AK5: variants seen among roughly 807,000 people sequenced by gnomAD.
AK5 encodes the protein adenylate kinase 5.
In AK5, 27 loss-of-function variants were observed where a neutral mutation model predicts 69.5. The ratio of observed to expected loss-of-function variants is 0.39; its 90% CI spans 0.29 to 0.54. The LOEUF (loss-of-function observed/expected upper bound fraction) is 0.54, where lower values mean the gene tolerates loss of function less well. Ranked by LOEUF, AK5 falls within the 20% of genes least tolerant of loss-of-function variation. The pLI is 0.71. For missense variants in AK5, 531 were observed against 700.4 expected (o/e 0.76, Z 2.73); for synonymous variants, 260 against 244.4 (o/e 1.06, Z -0.60).
At chr1:77,554,922 GT>G (rs937917253) in intron 13 of AK5, among the ~76,000 whole-genome samples, 2 of 151,974 alleles carry the variant, frequency 1.3e-5, no homozygotes, top group Non-Finnish European at 2.9e-5. Context: ...AGCCTCTGCG[GT>G]TATTTTTGAT....
chr1:77,390,952 C>T (rs768800417), intron 6 of AK5, among the ~76,000 whole-genome samples: 1 of 152,086 alleles, frequency 6.6e-6, no homozygotes, highest in Non-Finnish European at 1.5e-5. Context: ...TTTGGTTAGC[C>T]ATTATTTATT....
At chr1:77,285,936 T>C (rs1255206441) in intron 1 of AK5, among the ~76,000 whole-genome samples, 1 of 152,098 alleles carries the variant, frequency 6.6e-6, no homozygotes, top group Non-Finnish European at 1.5e-5. Context: ...GAAAAATGAA[T>C]TAGACTCACT....
intron 9 of AK5, among the ~76,000 whole-genome samples, chr1:77,485,312 C>A (rs1487491124): frequency 6.6e-6 from 1 of 152,198 alleles, no homozygotes; most frequent in African/African-American, 2.4e-5. Flanking sequence ...GTCCCCAACC[C>A]AATTCATCAT....
At chr1:77,332,031 C>CA (rs1453919538) in intron 5 of AK5, among the ~76,000 whole-genome samples, 1 of 152,112 alleles carries the variant, frequency 6.6e-6, no homozygotes, top group African/African-American at 2.4e-5. Context: ...TTGACTTCCC[C>CA]AGGCTCAGGG....
At chr1:77,495,359 T>C (rs535937589) in intron 10 of AK5, among the ~76,000 whole-genome samples, 2 of 152,316 alleles carry the variant, frequency 1.3e-5, no homozygotes, top group Admixed American at 6.5e-5. Context: ...ATTATTTGAA[T>C]AAGTACTGCA....
At chr1:77,361,596 C>A (rs1252270204) in intron 6 of AK5, among the ~76,000 whole-genome samples, 3 of 152,126 alleles carry the variant, frequency 2.0e-5, no homozygotes, top group Admixed American at 2.0e-4. Context: ...TTTCATGCTG[C>A]TGTTAAAGAC....
chr1:77,494,566 G>A (rs954366521), intron 10 of AK5, among the ~76,000 whole-genome samples: 7 of 152,066 alleles, frequency 4.6e-5, no homozygotes, highest in Admixed American at 6.6e-5. Flanking sequence ...AAATTTGAGC[G>A]ACTAACAAGT....
intron 6 of AK5, among the ~76,000 whole-genome samples, chr1:77,350,663 G>A (rs1662144917): frequency 1.3e-5 from 2 of 152,168 alleles, no homozygotes; most frequent in South Asian, 4.1e-4. Flanking sequence ...AAACATGGGA[G>A]TAATTGGAAA....
intron 6 of AK5, among the ~76,000 whole-genome samples, chr1:77,385,585 A>C (rs1197350142): frequency 6.6e-6 from 1 of 152,216 alleles, no homozygotes; most frequent in Non-Finnish European, 1.5e-5. Flanking sequence ...ACTGTTCATA[A>C]ATATGTGTGG....
chr1:77,405,760 T>G (rs1435792735), intron 6 of AK5, among the ~76,000 whole-genome samples: 1 of 152,016 alleles, frequency 6.6e-6, no homozygotes, highest in Non-Finnish European at 1.5e-5. Flanking sequence ...GCAGCTGAAG[T>G]CCCCTCACTC....
chr1:77,534,533 C>T (rs1373975459), intron 12 of AK5, among the ~76,000 whole-genome samples: 5 of 152,168 alleles, frequency 3.3e-5, no homozygotes, highest in Admixed American at 1.3e-4. Context: ...AAGGAGCATA[C>T]GTATGTTACC....
In AK5 at chr1:77,347,728, T is replaced by C. The variant is rs1661985594; in HGVS notation, c.891+7160T>C. 2.0e-5 allele frequency among the ~76,000 whole-genome samples: 3 copies of C among 152,202 alleles called. No individual in the cohort carries two copies. The South Asian group carries it at 6.2e-4, about 31-fold the overall frequency. On this transcript the variant is annotated intron_variant, in intron 6 of 13. Transcript: ENST00000354567. ...GCATATAGCAAAGTATATCATCCAC[T>C]GTCCTGGGCAGCAAATTCTGCTAGT...
At chr1:77,332,648 C>G (rs924376328) in intron 5 of AK5, among the ~76,000 whole-genome samples, 1 of 149,088 alleles carries the variant, frequency 6.7e-6, no homozygotes, top group Non-Finnish European at 1.5e-5. Flanking sequence ...TTATTTATGC[C>G]GAGCTTATTT....
At chr1:77,328,788 T>A (rs1660938698) in intron 5 of AK5, among the ~76,000 whole-genome samples, 2 of 152,228 alleles carry the variant, frequency 1.3e-5, no homozygotes, top group Non-Finnish European at 2.9e-5. Context: ...TGTAAGAGAT[T>A]ACCACAGGAT....
At chr1:77,521,981 TA>T in intron 12 of AK5, 38 bp downstream of exon 12, 2 of 1,457,424 alleles carry the variant, frequency 1.4e-6, no homozygotes, top group Non-Finnish European at 1.9e-6. Flanking sequence ...AGAAGAAAAA[TA>T]GGGGACATCC....
At chr1:77,472,791 A>G (rs529844282) in intron 8 of AK5, among the ~76,000 whole-genome samples, 1 of 98,072 alleles carries the variant, frequency 1.0e-5, no homozygotes, top group African/African-American at 3.2e-5. Flanking sequence ...TGATGAGGCA[A>G]TTCTTCTGGA....
At chr1:77,402,120 G>T (rs1486735130) in intron 6 of AK5, among the ~76,000 whole-genome samples, 2 of 152,040 alleles carry the variant, frequency 1.3e-5, no homozygotes, top group African/African-American at 4.8e-5. Context: ...CTGGTCTATT[G>T]TCCTGCAATT....
At chr1:77,334,846 C>G in intron 5 of AK5, among the ~76,000 whole-genome samples, 1 of 152,050 alleles carries the variant, frequency 6.6e-6, no homozygotes, top group South Asian at 2.1e-4. Flanking sequence ...TTTCTAGAGC[C>G]TCTTCCCCTG....
intron 2 of AK5, among the ~76,000 whole-genome samples, chr1:77,290,297 T>C (rs548390183): frequency 1.3e-5 from 2 of 152,358 alleles, no homozygotes; most frequent in Non-Finnish European, 2.9e-5. Context: ...AGCTATAATG[T>C]GTGGAATAGT....
Sources: allele counts gnomAD v4.1 joint callset (sites outside exome capture counted in the v4.1 genomes callset), GRCh38; gene constraint gnomAD v4.1.1; transcripts MANE v1.5; gene names NCBI Gene and HGNC (gene_info 2026-07-23, HGNC 2026-07-21).